Variants in HERC1 observed in about 807,000 individuals in gnomAD.
HERC1 encodes the protein probable E3 ubiquitin-protein ligase HERC1.
HERC1 carries 160 observed loss-of-function variants against 554.3 expected under a neutral mutation model. The ratio of observed to expected loss-of-function variants is 0.29; its 90% CI spans 0.25 to 0.33. The LOEUF (loss-of-function observed/expected upper bound fraction) is 0.33, where lower values mean the gene tolerates loss of function less well. HERC1 is among the 10% of genes least tolerant of loss of function. The pLI is 1.00. For synonymous variants in HERC1, 2,175 were observed against 2,131.7 expected, an observed-to-expected ratio of 1.02 and a Z score of -0.56; for missense variants, 4,919 against 5,918.5, an observed-to-expected ratio of 0.83 and a Z score of 5.54.
chr15:63,788,208 C>A (rs571767241), intron 1 of HERC1, among the ~76,000 whole-genome samples: 1 of 152,224 alleles, frequency 6.6e-6, no homozygotes, highest in East Asian at 1.9e-4. Context: ...ACAAGTCAGA[C>A]TGATGATTTG....
chr15:63,717,252 C>T (rs1208014201), intron 21 of HERC1, among the ~76,000 whole-genome samples: 1 of 152,124 alleles, frequency 6.6e-6, no homozygotes, highest in African/African-American at 2.4e-5. Context: ...AAATATGAGC[C>T]TCAACAAAAT....
chr15:63,791,613 G>C (rs1030886012), intron 1 of HERC1, among the ~76,000 whole-genome samples: 2 of 152,120 alleles, frequency 1.3e-5, no homozygotes, highest in Non-Finnish European at 1.5e-5. Flanking sequence ...TGTGGCAAAT[G>C]AAAGTAAAAA....
At chr15:63,678,693 T>C (rs916704967) in intron 36 of HERC1, among the ~76,000 whole-genome samples, 1 of 152,226 alleles carries the variant, frequency 6.6e-6, no homozygotes, top group Non-Finnish European at 1.5e-5. Context: ...CTTAAGGATA[T>C]ACTCATTCTC....
At chr15:63,804,335 C>T (rs1269785155) in intron 1 of HERC1, among the ~76,000 whole-genome samples, 1 of 152,154 alleles carries the variant, frequency 6.6e-6, no homozygotes, top group African/African-American at 2.4e-5. Context: ...CCTGTAATCC[C>T]AGCACTTTGG....
chr15:63,703,179 G>T (rs1041537141), intron 25 of HERC1, among the ~76,000 whole-genome samples: 2 of 150,818 alleles, frequency 1.3e-5, no homozygotes, highest in African/African-American at 4.9e-5. Flanking sequence ...GTGGCTAAAT[G>T]TATCTGCCCA....
chr15:63,615,731 A>G, intron 76 of HERC1, 37 bp downstream of exon 76: 5 of 1,528,566 alleles, frequency 3.3e-6, no homozygotes, highest in Non-Finnish European at 4.4e-6. Context: ...GAGAAACCCA[A>G]GCATTCATGT....
chr15:63,707,851 C>T (rs539066968), intron 24 of HERC1, among the ~76,000 whole-genome samples: 1 of 146,378 alleles, frequency 6.8e-6, no homozygotes, highest in African/African-American at 2.5e-5. Context: ...ATCACTTGAA[C>T]CCAGGAGGCG....
rs2141700131 is a variant in HERC1, at chr15:63,747,779, T to C, written c.2299A>G (p.Arg767Gly). 1 of 1,550,812 alleles carries C rather than the reference T, an allele frequency of 6.4e-7. No individual in the cohort carries two copies. The highest frequency in any genetic ancestry group is 1.4e-5 in the African/African-American group (1 of 72,994). The change falls in exon 11 of 78, where the codon AGA (arginine) becomes GGA (glycine). Residue 767 changes from arginine to glycine, a missense_variant. Physicochemically the swap from Arg to Gly is moderately radical, Grantham distance 125 (BLOSUM62 -2). Transcript: ENST00000443617. Reference protein sequence around the residue: ...TFSHLRSFLERYCDKINSEIP... With the variant: ...TFSHLRSFLEGYCDKINSEIP... Reference sequence around the variant, plus strand: ...TCACTGTTTATTTTATCACAGTATCTCTCAAGAAAAGAACGCAGGTGTGAG... The same window carrying C: ...TCACTGTTTATTTTATCACAGTATCCCTCAAGAAAAGAACGCAGGTGTGAG...
chr15:63,694,048 A>C lies in HERC1; in HGVS notation c.5590T>G (p.Phe1864Val), dbSNP rs1157771165. ...CCGTCTTCTTGCTCCCCTTCTCCGA[A>C]AGAGGCCATATGTAGTACACCAGTT... ...SQTGVLHMAS[F>V]GEGEQEDGEE... Residue 1864 changes from phenylalanine (F) to valine (V), a missense_variant, in exon 30 of 78, where the codon TTC becomes GTC. By Grantham distance (50) the Phe-to-Val change is conservative. Around this residue, in one of 11 missense-constraint regions of HERC1, gnomAD observed 1,121 missense variants for 1,244.0 expected, o/e 0.90. Transcript: ENST00000443617. This position sits in a 1 kb window ranked among gnomAD's most constrained non-coding sequence, Gnocchi z 4.3. 1 of 1,604,790 alleles carries C rather than the reference A, an allele frequency of 6.2e-7. No individual in the cohort carries two copies. The highest frequency in any genetic ancestry group is 1.7e-5 in the Admixed American group (1 of 58,616).
At position 63,806,960 on chromosome 15, in the gene HERC1, C is replaced by G. The variant is rs145826006; in HGVS notation, c.-27+26867G>C. Among the ~76,000 whole-genome samples the G allele has an allele frequency of 1.8e-4, 28 of 152,282 alleles. No individual in the cohort carries two copies. The East Asian group carries it at 5.2e-3, about 28-fold the overall frequency. On this transcript the variant is annotated intron_variant, in intron 1 of 77. Transcript: ENST00000443617. ...ACAGGGTTTCACCATGTTGGCCAGA[C>G]TGGTCTTGAATTCCTGACCTGGTGA...
At chr15:63,780,888 G>A (rs762203755) in intron 1 of HERC1, among the ~76,000 whole-genome samples, 1 of 152,090 alleles carries the variant, frequency 6.6e-6, no homozygotes, top group Non-Finnish European at 1.5e-5. Context: ...AGTAGTTATG[G>A]CCCAAAATTT....
chr15:63,727,699 G>T lies in HERC1; in HGVS notation c.3294C>A (p.Leu1098=). The change falls in exon 17 of 78, where the codon CTC becomes CTA. Residue 1098 remains leucine (L), a synonymous_variant. Transcript: ENST00000443617. The surrounding 1 kb of genome is among the most constrained non-coding windows in gnomAD (Gnocchi z 4.3). The part of the protein sequence containing the change: ...LLPPLDCLNR[L]LPAADLLEDQ... The stretch of plus-strand genomic sequence containing the variant: ...CTTCTAAAAGATCAGCAGCTGGCAG[G>T]AGTCTATTAAGGCAATCAAGAGGTG... The T allele has an allele frequency of 6.2e-7, 1 of 1,613,804 alleles. No homozygotes were observed. The highest frequency in any genetic ancestry group is 8.5e-7 in the Non-Finnish European group (1 of 1,179,834).
chr15:63,702,664 T>C (rs1020149748), intron 25 of HERC1, among the ~76,000 whole-genome samples: 10 of 152,242 alleles, frequency 6.6e-5, no homozygotes, highest in African/African-American at 2.2e-4. Context: ...CAGGCTGTTA[T>C]GAAAATTAAA....
chr15:63,611,708 G>A (rs1256270055), intron 77 of HERC1, among the ~76,000 whole-genome samples: 1 of 152,222 alleles, frequency 6.6e-6, no homozygotes, highest in Non-Finnish European at 1.5e-5. Context: ...TTTAGGGAAG[G>A]TTGTTGGTTG....
intron 76 of HERC1, among the ~76,000 whole-genome samples, chr15:63,615,469 G>C (rs138721064): frequency 4.4e-4 from 67 of 152,264 alleles, no homozygotes; most frequent in African/African-American, 1.5e-3. Context: ...GATTAGCTAG[G>C]CGTGGTGACA....
At position 63,643,458 on chromosome 15, in the gene HERC1, C is replaced by T. The variant is rs1200760606; in HGVS notation, c.11277G>A (p.Gly3759=). The T allele has an allele frequency of 1.2e-6, 2 of 1,613,208 alleles. No individual in the cohort carries two copies. Among genetic ancestry groups the T allele is most frequent in the Non-Finnish European group, 1.7e-6 (2 of 1,179,556 alleles). Residue 3759 remains glycine (G), a synonymous_variant, in exon 58 of 78, where the codon GGG becomes GGA. Coordinates refer to ENST00000443617, the MANE Select transcript of HERC1 (RefSeq NM_003922.4). ...CTAGTCCACCAGACACCAGGGCCAA[C>T]CCATCAGAACTAAAGGCAACAGTCC... ...PVRTVAFSSD[G]LALVSGGLGG...
chr15:63,810,052 A>G (rs946504397), intron 1 of HERC1, among the ~76,000 whole-genome samples: 68 of 152,146 alleles, frequency 4.5e-4, no homozygotes, highest in African/African-American at 1.4e-3. Context: ...CAAGGCAGTC[A>G]TTAAAATGAA....
At chr15:63,620,541 G>A (rs1442883100) in intron 74 of HERC1, among the ~76,000 whole-genome samples, 17 of 152,098 alleles carry the variant, frequency 1.1e-4, no homozygotes, top group Admixed American at 3.3e-4. Flanking sequence ...TCAATTCCTG[G>A]ATATCCTTGT....
At chr15:63,804,523 T>G (rs1173688313) in intron 1 of HERC1, among the ~76,000 whole-genome samples, 3 of 151,984 alleles carry the variant, frequency 2.0e-5, no homozygotes, top group East Asian at 1.9e-4. Flanking sequence ...GAGGTGGAAG[T>G]TGCAGTGAGC....
Sources: gnomAD v4.1 joint callset for allele counts (sites outside exome capture counted in the v4.1 genomes callset) on GRCh38, gnomAD v4.1.1 for gene constraint, gnomAD v4.1.1 regional missense constraint, Gnocchi (gnomAD v3.1) non-coding constraint, MANE v1.5 for transcripts, NCBI Gene and HGNC (gene_info 2026-07-23, HGNC 2026-07-21) for gene names.